Variants in CDYL observed in about 807,000 individuals in gnomAD.
The protein encoded by CDYL is chromodomain Y-like protein.
CDYL carries 8 observed loss-of-function variants against 47.3 expected under a neutral mutation model. That is an observed-to-expected ratio of 0.17 (90% CI 0.10 to 0.31). CDYL has a LOEUF of 0.31. Among genes scored for constraint, CDYL ranks in the 10% least tolerant of loss-of-function variants. The pLI is 1.00. For synonymous variants in CDYL, 266 were observed against 265.0 expected, an observed-to-expected ratio of 1.00 and a Z score of -0.04; for missense variants, 471 against 701.4, an observed-to-expected ratio of 0.67 and a Z score of 3.71.
intron 2 of CDYL, among the ~76,000 whole-genome samples, chr6:4,910,218 CAT>C (rs980592889): frequency 6.6e-6 from 1 of 152,118 alleles, no homozygotes; most frequent in East Asian, 1.9e-4. Flanking sequence ...TTAGGCAGCA[CAT>C]ATGTTTATTT....
intron 1 of CDYL, among the ~76,000 whole-genome samples, chr6:4,801,738 A>C (rs1759231777): frequency 6.7e-6 from 1 of 149,880 alleles, no homozygotes; most frequent in African/African-American, 2.5e-5. Flanking sequence ...AGTTTCTAGC[A>C]CTCCACCAGC....
rs150602829 is a variant in CDYL, at chr6:4,884,845, C to T, written c.25-6868C>T. On this transcript the variant is annotated intron_variant, in intron 1 of 6. Transcript: ENST00000397588. ...TACAGGCTCAGGTAACCGGTACAAG[C>T]AATGCTAATAGGCTGACAGCTGCTC... 4.2e-3 allele frequency among the ~76,000 whole-genome samples: 634 copies of T among 152,254 alleles called. 1 individual carries two copies. The highest frequency in any genetic ancestry group is 0.014 in the African/African-American group (595 of 41,538).
chr6:4,924,801 T>C (rs1286665232), intron 2 of CDYL, among the ~76,000 whole-genome samples: 1 of 152,120 alleles, frequency 6.6e-6, no homozygotes, highest in Non-Finnish European at 1.5e-5. Context: ...CACTGCAAAA[T>C]CATGCAATAA....
At chr6:4,722,832 G>C (rs573986586) in intron 2 of CDYL, among the ~76,000 whole-genome samples, 1 of 152,144 alleles carries the variant, frequency 6.6e-6, no homozygotes, top group Non-Finnish European at 1.5e-5. Flanking sequence ...AGCCAAGATC[G>C]TGCCACCGTA....
intron 2 of CDYL, among the ~76,000 whole-genome samples, chr6:4,725,444 A>G (rs950839957): frequency 2.6e-5 from 4 of 152,222 alleles, no homozygotes; most frequent in African/African-American, 2.4e-5. Flanking sequence ...AGGCTCAGGC[A>G]TGGCGGGCTG....
At chr6:4,749,100 C>T (rs1757943779) in intron 3 of CDYL, among the ~76,000 whole-genome samples, 1 of 152,196 alleles carries the variant, frequency 6.6e-6, no homozygotes, top group South Asian at 2.1e-4. Context: ...TTTTCTACTC[C>T]ATTTTCCCAA....
Position 4,715,873 on chromosome 6 carries a change from G to C in CDYL, c.95G>C (p.Arg32Thr), listed in dbSNP as rs571956532. 4 of 1,613,850 alleles carry C rather than the reference G, an allele frequency of 2.5e-6. No individual in the cohort carries two copies. The South Asian group carries it at 4.4e-5, about 18-fold the overall frequency. ...CCAACCCAAAAGTTATTCCTGAAGA[G>C]AAACAACGGTAAGAACTTGCAGGAA... is the stretch of plus-strand genomic sequence containing the variant. The change falls in exon 2 of 9, where the codon AGA (arginine) becomes ACA (threonine). Residue 32 changes from arginine to threonine, a missense_variant. Arg to Thr is a moderately conservative substitution (Grantham distance 71). Coordinates refer to the CDYL transcript ENST00000328908.
chr6:4,935,172 G>A (rs914295107), intron 2 of CDYL, among the ~76,000 whole-genome samples: 9 of 151,642 alleles, frequency 5.9e-5, no homozygotes, highest in African/African-American at 1.2e-4. Flanking sequence ...TTTTTCTTTC[G>A]GCTTCTCAAA....
chr6:4,789,037 G>A (rs1758843907), intron 1 of CDYL, among the ~76,000 whole-genome samples: 1 of 152,078 alleles, frequency 6.6e-6, no homozygotes, highest in Non-Finnish European at 1.5e-5. Flanking sequence ...GAATAGCCAA[G>A]CCATACTGCT....
chr6:4,748,177 C>T (rs986660842), intron 3 of CDYL, among the ~76,000 whole-genome samples: 14 of 152,052 alleles, frequency 9.2e-5, no homozygotes, highest in Admixed American at 3.9e-4. Context: ...GTGCTGTGCC[C>T]GTGATTTCAA....
At position 4,891,693 on chromosome 6, in the gene CDYL, T is replaced by G. The variant is rs11965336; in HGVS notation, c.25-20T>G. 7.7e-4 allele frequency: 1,198 copies of G among 1,558,484 alleles called. 2 individuals are homozygous for G. In the African/African-American group the frequency reaches 0.015, roughly 19 times the overall value. On this transcript the variant is annotated intron_variant, in intron 1 of 6. Transcript: ENST00000397588. ...CAAATTTTGATTTTTTTAAAACTAT[T>G]TTTTTCCTTTTATGAACAGGTTGAA...
chr6:4,751,630 A>G (rs1227153132), intron 3 of CDYL, among the ~76,000 whole-genome samples: 1 of 152,202 alleles, frequency 6.6e-6, no homozygotes, highest in African/African-American at 2.4e-5. Context: ...GATTCCCATA[A>G]TACATCCCCC....
chr6:4,797,522 A>C (rs1759107751), intron 1 of CDYL, among the ~76,000 whole-genome samples: 1 of 151,830 alleles, frequency 6.6e-6, no homozygotes. Flanking sequence ...AAAGTTGTAC[A>C]GCCGCCGCCA....
intron 1 of CDYL, among the ~76,000 whole-genome samples, chr6:4,855,109 G>T (rs965178806): frequency 1.3e-5 from 2 of 152,110 alleles, no homozygotes; most frequent in Admixed American, 6.5e-5. Context: ...ATACGCTTAG[G>T]ATTTTAGATT....
chr6:4,707,141 T>C (rs940804323), intron 1 of CDYL, among the ~76,000 whole-genome samples: 4 of 152,176 alleles, frequency 2.6e-5, no homozygotes, highest in African/African-American at 7.2e-5. Context: ...AATACTTTAT[T>C]TGATCCTTTT....
chr6:4,884,270 A>G (rs945344498), intron 1 of CDYL, among the ~76,000 whole-genome samples: 8 of 152,164 alleles, frequency 5.3e-5, no homozygotes, highest in Non-Finnish European at 1.2e-4. Flanking sequence ...GTGGACCCTG[A>G]TGTTTTATGG....
At chr6:4,801,551 T>C (rs1483559491) in intron 1 of CDYL, among the ~76,000 whole-genome samples, 1 of 152,232 alleles carries the variant, frequency 6.6e-6, no homozygotes, top group Non-Finnish European at 1.5e-5. Context: ...CACTTTGTTT[T>C]TCCTGTGATA....
At chr6:4,925,343 A>G (rs779867859) in intron 2 of CDYL, among the ~76,000 whole-genome samples, 1 of 151,658 alleles carries the variant, frequency 6.6e-6, no homozygotes, top group Non-Finnish European at 1.5e-5. Context: ...TATATATTGA[A>G]TGGTTTATAC....
intron 3 of CDYL, among the ~76,000 whole-genome samples, chr6:4,745,684 G>T (rs1448434304): frequency 2.6e-5 from 4 of 152,236 alleles, no homozygotes; most frequent in Admixed American, 2.6e-4. Context: ...GCCCAGCTCT[G>T]CACTTGCAGA....
Sources: allele counts gnomAD v4.1 joint callset (sites outside exome capture counted in the v4.1 genomes callset), GRCh38; gene constraint gnomAD v4.1.1; transcripts MANE v1.5; gene names NCBI Gene and HGNC (gene_info 2026-07-23, HGNC 2026-07-21).